Variants in ABCC4 observed in about 807,000 individuals in gnomAD.
ABCC4 encodes the protein ATP-binding cassette sub-family C member 4.
ABCC4 carries 102 observed loss-of-function variants against 168.5 expected under a neutral mutation model. The observed-to-expected ratio is 0.61, with a 90% CI of 0.52 to 0.71. ABCC4 has a LOEUF of 0.71. ABCC4 is among the 30% of genes least tolerant of loss of function. The pLI, the probability that ABCC4 is intolerant of heterozygous loss-of-function variation, is 0.00. For missense variants in ABCC4, 1,402 were observed against 1,605.8 expected, an observed-to-expected ratio of 0.87 and a Z score of 2.17; for synonymous variants, 617 against 590.7, an observed-to-expected ratio of 1.04 and a Z score of -0.65.
chr13:95,095,750 A>G (rs1449408450), intron 20 of ABCC4: 2 of 159,260 alleles, frequency 1.3e-5, no homozygotes, highest in East Asian at 3.5e-4. Flanking sequence ...ACAGAACACA[A>G]AAATCAATGA....
intron 1 of ABCC4, among the ~76,000 whole-genome samples, chr13:95,253,367 G>A (rs1005028145): frequency 6.6e-6 from 1 of 151,940 alleles, no homozygotes; most frequent in East Asian, 1.9e-4. Flanking sequence ...GGGTTTTTCT[G>A]TGTTGTTTGC....
At chr13:95,221,233 A>G (rs1427213477) in intron 4 of ABCC4, among the ~76,000 whole-genome samples, 1 of 152,146 alleles carries the variant, frequency 6.6e-6, no homozygotes, top group Admixed American at 6.6e-5. Context: ...ATTTTATGTG[A>G]CAGATATTTT....
chr13:95,171,946 C>T (rs148895521), intron 13 of ABCC4, among the ~76,000 whole-genome samples: 2 of 152,144 alleles, frequency 1.3e-5, no homozygotes, highest in Admixed American at 1.3e-4. Flanking sequence ...AAACTGTTTC[C>T]CTTTATATCA....
At position 95,301,422 on chromosome 13, in the gene ABCC4, G is replaced by T. The variant is rs2041680602; in HGVS notation, c.-108C>A. The T allele has an allele frequency of 3.1e-6, 3 of 966,528 alleles. No individual in the cohort carries two copies. Among genetic ancestry groups the T allele is most frequent in the Non-Finnish European group, 2.9e-6 (2 of 689,114 alleles). 59.9% of individuals were successfully genotyped at this position (966,528 alleles called of 1,614,324 possible). On this transcript the variant is annotated 5_prime_UTR_variant, in exon 1 of 31. Transcript: ENST00000645237. ...GGGATGCTGGGGCTCCGGCCGCCAC[G>T]CCTGTCCGCTCGGCTGGAGCCTGTG...
intron 19 of ABCC4, among the ~76,000 whole-genome samples, chr13:95,126,720 A>AATATATATATATATATATATATAT (rs71111594): frequency 8.6e-5 from 7 of 81,670 alleles, no homozygotes; most frequent in African/African-American, 4.0e-4. Flanking sequence ...CTTTTTTTGG[A>AATATATATATATATATATATATAT]ATATATATAT....
At chr13:95,047,476 C>CTTTTTTT (rs71111586) in intron 27 of ABCC4, among the ~76,000 whole-genome samples, 4,316 of 82,980 alleles carry the variant, frequency 0.052, 334 homozygotes, top group Non-Finnish European at 0.058. Context: ...ACTGCCTATT[C>CTTTTTTT]TTTTTTTTTT....
chr13:95,288,767 C>CA (rs938323690), intron 1 of ABCC4, among the ~76,000 whole-genome samples: 123 of 145,494 alleles, frequency 8.5e-4, no homozygotes, highest in African/African-American at 2.5e-3. Flanking sequence ...GACTCTGACT[C>CA]AAAAAAAAAA....
intron 30 of ABCC4, among the ~76,000 whole-genome samples, chr13:95,033,953 G>C (rs12877683): frequency 5.9e-5 from 9 of 152,072 alleles, no homozygotes; most frequent in African/African-American, 1.9e-4. Flanking sequence ...GAACCACCAC[G>C]CCCAGCCTGA....
chr13:95,042,411 T>A (rs1378406158), intron 29 of ABCC4, among the ~76,000 whole-genome samples: 3 of 152,040 alleles, frequency 2.0e-5, no homozygotes, highest in Non-Finnish European at 2.9e-5. Context: ...ACCGCAACAG[T>A]GAATGCTGCG....
intron 1 of ABCC4, among the ~76,000 whole-genome samples, chr13:95,288,698 C>A (rs750773471): frequency 1.3e-5 from 2 of 151,622 alleles, no homozygotes; most frequent in African/African-American, 4.9e-5. Flanking sequence ...TCCAGCTACT[C>A]GGGAGGCTGA....
intron 30 of ABCC4, among the ~76,000 whole-genome samples, chr13:95,029,180 A>C (rs76280006): frequency 0.3 from 12,149 of 41,068 alleles, 859 homozygotes; most frequent in Admixed American, 0.42. Context: ...ATATATATAT[A>C]TATATATATA....
rs1228886995 is a variant in ABCC4 at position 95,210,778 on chromosome 13, G to C, written c.535C>G (p.Leu179Val). Residue 179 changes from leucine to valine, a missense_variant, in exon 5 of 31, where the codon CTT becomes GTT. This residue lies in a region of ABCC4 where 317 missense variants were observed against 345.5 expected (regional missense o/e 0.92). Coordinates refer to ENST00000645237, the MANE Select transcript of ABCC4 (RefSeq NM_005845.5). ...AMCHMIYRKALRLSNMAMGKT... is the reference protein window; with the variant it reads ...AMCHMIYRKAVRLSNMAMGKT... ...CCCATGGCCATGTTACTAAGACGAAGTGCCTGAAATAAAAGAGGTAAGTAG... is the reference window on the plus strand; with the variant it reads ...CCCATGGCCATGTTACTAAGACGAACTGCCTGAAATAAAAGAGGTAAGTAG... 2 of 1,612,984 alleles carry C rather than the reference G, an allele frequency of 1.2e-6. No homozygotes were observed. Among genetic ancestry groups the C allele is most frequent in the Non-Finnish European group, 1.7e-6 (2 of 1,179,126 alleles).
rs1593946862 is a variant in ABCC4 at position 95,019,982 on chromosome 13, C to T, written c.*1593G>A. The T allele has an allele frequency of 6.6e-6, 1 of 152,312 alleles. No individual in the cohort carries two copies. The highest frequency in any genetic ancestry group is 2.1e-4 in the South Asian group (1 of 4,826). 9.4% of individuals were successfully genotyped at this position (152,312 alleles called of 1,614,324 possible). A position where few individuals can be genotyped will look rare whatever the true frequency, so the allele number is the denominator to read the frequency against. On this transcript the variant is annotated 3_prime_UTR_variant, in exon 31 of 31. Transcript: ENST00000645237. ...ATATAGACATTTTGAATATAGCTAT[C>T]GTTTTAACAAACCTCATTATGATCA...
rs879600536 is a variant in ABCC4, at chr13:95,188,621, A to G, written c.1264-79T>C. 5.2e-5 allele frequency: 61 copies of G among 1,162,194 alleles called. No homozygotes were observed. The African/African-American group carries it at 7.1e-4, about 14-fold the overall frequency. 72.0% of individuals were successfully genotyped at this position (1,162,194 alleles called of 1,614,324 possible). A position where few individuals can be genotyped will look rare whatever the true frequency, so the allele number is the denominator to read the frequency against. On this transcript the variant is annotated intron_variant, in intron 9 of 30. Coordinates refer to ENST00000645237, the MANE Select transcript of ABCC4 (RefSeq NM_005845.5). ...CTTCAAAAAGAGAAGAAAACAATAC[A>G]ACAGTCATTGATACATGAACATAAC...
rs760698473 is a variant in ABCC4, at chr13:95,170,534, C to T, written c.1822G>A (p.Asp608Asn). The change falls in exon 14 of 31, where the codon GAT (aspartate) becomes AAT (asparagine). Residue 608 changes from aspartate (D) to asparagine (N), a missense_variant and splice_region_variant. Asp to Asn is a conservative substitution (Grantham distance 23). This residue lies in a region of ABCC4 where 1,007 missense variants were observed against 1,127.3 expected (regional missense o/e 0.89). Transcript: ENST00000645237. Reference protein sequence around the residue: ...KAASQILILKDGKMVQKGTYT... With the variant: ...KAASQILILKNGKMVQKGTYT... The stretch of plus-strand genomic sequence containing the variant: ...GGAGACCTCTAGAAACTACTTACAT[C>T]TTTCAATATCAGAATCTGACTTGCA... 2 of 1,607,498 alleles carry T rather than the reference C, an allele frequency of 1.2e-6. No homozygotes were observed. Among genetic ancestry groups the T allele is most frequent in the Admixed American group, 1.7e-5 (1 of 59,086 alleles).
chr13:95,042,840 A>C (rs1449589871), intron 29 of ABCC4, among the ~76,000 whole-genome samples: 3 of 152,206 alleles, frequency 2.0e-5, no homozygotes, highest in African/African-American at 7.2e-5. Context: ...TTAGATAATA[A>C]AAGGAGTAGC....
At chr13:95,272,313 T>C (rs2040867109) in intron 1 of ABCC4, among the ~76,000 whole-genome samples, 2 of 152,040 alleles carry the variant, frequency 1.3e-5, no homozygotes, top group Admixed American at 1.3e-4. Flanking sequence ...AGTGTGGGAT[T>C]ACAGGTGTGA....
intron 3 of ABCC4, among the ~76,000 whole-genome samples, chr13:95,239,096 GT>G (rs1474792402): frequency 1.2e-5 from 1 of 85,882 alleles, no homozygotes; most frequent in East Asian, 7.2e-4. Flanking sequence ...TTATTTGACT[GT>G]AAAAAAAAAT....
At chr13:95,121,435 T>G (rs530526402) in intron 19 of ABCC4, among the ~76,000 whole-genome samples, 73 of 151,232 alleles carry the variant, frequency 4.8e-4, no homozygotes, top group Admixed American at 8.6e-4. Flanking sequence ...TTTTTTGTTT[T>G]TTTTTTTTTG....
Sources: allele counts gnomAD v4.1 joint callset (sites outside exome capture counted in the v4.1 genomes callset), GRCh38; gene constraint gnomAD v4.1.1; regional missense constraint gnomAD v4.1.1; transcripts MANE v1.5; gene names NCBI Gene and HGNC (gene_info 2026-07-23, HGNC 2026-07-21).